RABGAP1L: variants seen among roughly 807,000 people sequenced by gnomAD.
RABGAP1L encodes the protein rab GTPase-activating protein 1-like.
In RABGAP1L, 63 loss-of-function variants were observed where a neutral mutation model predicts 137.7. That is an observed-to-expected ratio of 0.46 (90% CI 0.37 to 0.56). The LOEUF (loss-of-function observed/expected upper bound fraction) is 0.56. RABGAP1L is among the 20% of genes least tolerant of loss of function. The pLI is 0.00. For missense variants in RABGAP1L, 1,095 were observed against 1,244.0 expected (o/e 0.88, Z 1.80); for synonymous variants, 431 against 433.7 (o/e 0.99, Z 0.08).
chr1:174,839,028 CGTGT>C (rs71726767), intron 19 of RABGAP1L, among the ~76,000 whole-genome samples: 53 of 130,104 alleles, frequency 4.1e-4, no homozygotes, highest in African/African-American at 9.1e-4. Context: ...AACTTTTTTA[CGTGT>C]GTGTGTGTGT....
At chr1:174,310,255 A>T (rs908873205) in intron 11 of RABGAP1L, among the ~76,000 whole-genome samples, 5 of 151,896 alleles carry the variant, frequency 3.3e-5, no homozygotes, top group African/African-American at 1.2e-4. Flanking sequence ...GTATTTGTGA[A>T]TTTTCCGAAG....
intron 19 of RABGAP1L, chr1:174,945,747 A>G (rs945272001): frequency 6.6e-6 from 1 of 152,206 alleles, no homozygotes; most frequent in Non-Finnish European, 1.5e-5. Flanking sequence ...GAAGTATAGG[A>G]AATAGAGAAG....
intron 18 of RABGAP1L, 129 bp from the exon 19 acceptor site, chr1:174,811,703 A>C: frequency 3.3e-6 from 3 of 905,362 alleles, no homozygotes; most frequent in Non-Finnish European, 4.5e-6. Flanking sequence ...ATATCTTCTT[A>C]AAATGTTTGG....
chr1:174,261,579 C>G (rs1673583363), intron 7 of RABGAP1L, among the ~76,000 whole-genome samples: 2 of 152,150 alleles, frequency 1.3e-5, no homozygotes. Context: ...CCCAGGGACT[C>G]TCTTCTTCTC....
At chr1:174,435,091 A>G (rs1653101025) in intron 13 of RABGAP1L, among the ~76,000 whole-genome samples, 1 of 152,156 alleles carries the variant, frequency 6.6e-6, no homozygotes, top group African/African-American at 2.4e-5. Flanking sequence ...GCATGACCAT[A>G]GCTCACTGTA....
At chr1:174,941,944 C>G (rs2149294151) in intron 19 of RABGAP1L, among the ~76,000 whole-genome samples, 1 of 152,208 alleles carries the variant, frequency 6.6e-6, no homozygotes, top group Non-Finnish European at 1.5e-5. Context: ...TTCTTTGTAT[C>G]CCACATAGCA....
chr1:174,934,869 G>T (rs557724285), intron 19 of RABGAP1L: 16 of 152,212 alleles, frequency 1.1e-4, no homozygotes, highest in African/African-American at 3.9e-4. Context: ...AGACATAGAG[G>T]CTTACATTTC....
rs1033798178 is a variant in RABGAP1L, at chr1:174,643,627, G to A, written c.1824+6139G>A. ...TAGTAAAAATTTGTAAAGCCCTGTG[G>A]TTTTGAAAGCATTTTTTGCATGTCG... On this transcript the variant is annotated intron_variant, in intron 14 of 25. Coordinates refer to ENST00000681986, the MANE Select transcript of RABGAP1L (RefSeq NM_001366446.1). 3.3e-5 allele frequency among the ~76,000 whole-genome samples: 5 copies of A among 152,092 alleles called. No individual in the cohort carries two copies. The South Asian group carries it at 6.2e-4, about 19-fold the overall frequency.
At chr1:174,864,769 C>G (rs1650911135) in intron 19 of RABGAP1L, among the ~76,000 whole-genome samples, 1 of 152,176 alleles carries the variant, frequency 6.6e-6, no homozygotes, top group Admixed American at 6.5e-5. Flanking sequence ...AAACAAAATA[C>G]CAGCAAATTT....
At chr1:174,655,348 C>G (rs1395977287) in intron 14 of RABGAP1L, among the ~76,000 whole-genome samples, 2 of 152,168 alleles carry the variant, frequency 1.3e-5, no homozygotes, top group African/African-American at 4.8e-5. Context: ...CATTCACTTT[C>G]TTGACCTTGA....
chr1:174,462,539 A>G (rs1656806523), intron 13 of RABGAP1L, among the ~76,000 whole-genome samples: 1 of 151,804 alleles, frequency 6.6e-6, no homozygotes, highest in South Asian at 2.1e-4. Context: ...ATTTTTTTTC[A>G]ACTTTTATTG....
chr1:174,727,485 G>C (rs1210514851), intron 17 of RABGAP1L, among the ~76,000 whole-genome samples: 1 of 152,138 alleles, frequency 6.6e-6, no homozygotes, highest in Non-Finnish European at 1.5e-5. Flanking sequence ...TGCCTTTTCT[G>C]TAGCAAAGCT....
At chr1:174,976,985 G>A (rs886166172) in intron 22 of RABGAP1L, among the ~76,000 whole-genome samples, 4 of 152,222 alleles carry the variant, frequency 2.6e-5, no homozygotes, top group African/African-American at 9.6e-5. Flanking sequence ...TCTGCCAAGA[G>A]TGTGTTTGAA....
At chr1:174,245,550 A>G (rs908530102) in intron 5 of RABGAP1L, 3 of 152,120 alleles carry the variant, frequency 2.0e-5, no homozygotes, top group African/African-American at 7.2e-5. Flanking sequence ...TGAATAATGT[A>G]TTTGAGCTAG....
At chr1:174,814,609 A>G (rs535885250) in intron 19 of RABGAP1L, among the ~76,000 whole-genome samples, 17 of 152,164 alleles carry the variant, frequency 1.1e-4, no homozygotes, top group Middle Eastern at 6.9e-3. Flanking sequence ...GACCATGACT[A>G]TATGTACGTA....
chr1:174,548,687 G>A, intron 13 of RABGAP1L: 2 of 557,490 alleles, frequency 3.6e-6, no homozygotes, highest in Non-Finnish European at 4.6e-6. Context: ...ATTCATTTTG[G>A]TTGGAAAGTT....
chr1:174,537,643 T>A (rs1252024108), intron 13 of RABGAP1L, among the ~76,000 whole-genome samples: 3 of 152,176 alleles, frequency 2.0e-5, no homozygotes, highest in Non-Finnish European at 4.4e-5. Flanking sequence ...CCTGTACTAC[T>A]ATGGAGAGAG....
intron 17 of RABGAP1L, among the ~76,000 whole-genome samples, chr1:174,724,440 T>G (rs3862942): frequency 0.12 from 18,044 of 152,258 alleles, 1,404 homozygotes; most frequent in South Asian, 0.17. Flanking sequence ...TATAGCAGTT[T>G]GGAGGATGCC....
chr1:174,898,643 G>A (rs1657630096), intron 19 of RABGAP1L, among the ~76,000 whole-genome samples: 1 of 152,182 alleles, frequency 6.6e-6, no homozygotes, highest in Admixed American at 6.5e-5. Context: ...ATGCTTGCCT[G>A]AATAACAGCA....
Sources: gnomAD v4.1 joint callset for allele counts (sites outside exome capture counted in the v4.1 genomes callset) on GRCh38, gnomAD v4.1.1 for gene constraint, MANE v1.5 for transcripts, NCBI Gene and HGNC (gene_info 2026-07-23, HGNC 2026-07-21) for gene names.